Variants in ZFPM2 observed in about 807,000 individuals in gnomAD.
ZFPM2 encodes the protein zinc finger protein, FOG family member 2.
Under a neutral mutation model 98.6 loss-of-function variants are expected in ZFPM2, and 20 were observed. The ratio of observed to expected loss-of-function variants is 0.20; its 90% confidence interval spans 0.14 to 0.29. The LOEUF is 0.29. ZFPM2 is among the 10% of genes least tolerant of loss of function. ZFPM2 has a pLI of 1.00. For missense variants in ZFPM2, 1,310 were observed against 1,388.6 expected (o/e 0.94, Z 0.90); for synonymous variants, 518 against 502.7 (o/e 1.03, Z -0.41).
intron 3 of ZFPM2, among the ~76,000 whole-genome samples, chr8:105,524,466 G>A (rs977531373): frequency 2.0e-5 from 3 of 151,372 alleles, no homozygotes; most frequent in Non-Finnish European, 4.4e-5. Context: ...GTGTGTGTGT[G>A]TGTATGTGTG....
intron 1 of ZFPM2, among the ~76,000 whole-genome samples, chr8:105,346,293 A>G (rs1158671575): frequency 6.6e-6 from 1 of 151,940 alleles, no homozygotes; most frequent in Non-Finnish European, 1.5e-5. Context: ...CTGAGGCAGG[A>G]GAATCGCTTG....
rs539625145 is a variant in ZFPM2 at position 105,643,181 on chromosome 8, C to A, written c.532+8824C>A. 2.0e-5 allele frequency among the ~76,000 whole-genome samples: 3 copies of A among 152,240 alleles called. No homozygotes were observed. The South Asian group carries it at 6.2e-4, about 32-fold the overall frequency. On this transcript the variant is annotated intron_variant, in intron 5 of 7. Coordinates refer to ENST00000407775, the MANE Select transcript of ZFPM2 (RefSeq NM_012082.4). ...CATCCATTAACAAAACCAGGACTTA[C>A]GTGTCATGAAAATAATGGTGTTACA...
intron 5 of ZFPM2, chr8:105,780,594 T>G (rs1171623423): frequency 6.6e-6 from 1 of 152,248 alleles, no homozygotes; most frequent in Non-Finnish European, 1.5e-5. Context: ...CATTCAAAGC[T>G]AGTTTCGCCG....
chr8:105,492,764 A>G (rs1447704694), intron 3 of ZFPM2, among the ~76,000 whole-genome samples: 1 of 152,236 alleles, frequency 6.6e-6, no homozygotes, highest in African/African-American at 2.4e-5. Context: ...AGTAATGATT[A>G]TAATTAGATG....
chr8:105,606,831 T>C (rs183113644), intron 4 of ZFPM2, among the ~76,000 whole-genome samples: 1 of 152,196 alleles, frequency 6.6e-6, no homozygotes, highest in East Asian at 1.9e-4. Flanking sequence ...GCTGATCACA[T>C]ATATAATTAA....
At chr8:105,430,146 A>G (rs1032413317) in intron 2 of ZFPM2, among the ~76,000 whole-genome samples, 3 of 152,190 alleles carry the variant, frequency 2.0e-5, no homozygotes, top group Non-Finnish European at 4.4e-5. Context: ...TGTGGTTACT[A>G]TGAGGTTAAT....
chr8:105,680,574 A>G (rs1467389902), intron 5 of ZFPM2, among the ~76,000 whole-genome samples: 1 of 152,158 alleles, frequency 6.6e-6, no homozygotes, highest in African/African-American at 2.4e-5. Context: ...ACAAGTAGGA[A>G]TTGGGTATGT....
At position 105,330,633 on chromosome 8, in the gene ZFPM2, C is replaced by CATAT. The variant is rs35450744; in HGVS notation, c.40+11665_40+11668dup. On this transcript the variant is annotated intron_variant, in intron 1 of 7. Coordinates refer to ENST00000407775, the MANE Select transcript of ZFPM2 (RefSeq NM_012082.4). Reference sequence around the variant, plus strand: ...ATACACATATATATATATATATATACATATATATATATATATTTTTCAGGA... The same window carrying CATAT: ...ATACACATATATATATATATATATACATATATATATATATATATATTTTTCAGGA... Among the ~76,000 whole-genome samples, 48 of 85,446 alleles carry CATAT rather than the reference C, an allele frequency of 5.6e-4. 1 individual carries two copies. Among genetic ancestry groups the CATAT allele is most frequent in the South Asian group, 2.9e-3 (8 of 2,806 alleles). 56.1% of individuals were successfully genotyped at this position (85,446 alleles called of 152,430 possible).
chr8:105,564,732 T>C (rs971394774), intron 4 of ZFPM2, among the ~76,000 whole-genome samples: 3 of 152,144 alleles, frequency 2.0e-5, no homozygotes, highest in African/African-American at 7.2e-5. Context: ...TTGTTGATGA[T>C]TTCTTAACAT....
rs903513049 is a variant in ZFPM2 at position 105,699,645 on chromosome 8, G to A, written c.532+65288G>A. Among the ~76,000 whole-genome samples, 7 of 152,084 alleles carry A rather than the reference G, an allele frequency of 4.6e-5. No homozygotes were observed. In the East Asian group the frequency reaches 5.8e-4, roughly 13 times the overall value. On this transcript the variant is annotated intron_variant, in intron 5 of 7. Transcript: ENST00000407775. The stretch of plus-strand genomic sequence containing the variant: ...AGTGAATAATGGCAATGATTCCACT[G>A]AAAATTAACTTTGAATTAATGCGCT...
At position 105,583,394 on chromosome 8, in the gene ZFPM2, A is replaced by G. The variant is rs1003271238; in HGVS notation, c.420+21913A>G. On this transcript the variant is annotated intron_variant, in intron 4 of 7. Coordinates refer to ENST00000407775, the MANE Select transcript of ZFPM2 (RefSeq NM_012082.4). The stretch of plus-strand genomic sequence containing the variant: ...ATGGGTGTGAAAAAAGAGAAATCAC[A>G]AATTTTTAAAAATTTCTAAGCTTTC... Among the ~76,000 whole-genome samples, 216 of 152,282 alleles carry G rather than the reference A, an allele frequency of 1.4e-3. 3 individuals carry two copies. The highest frequency in any genetic ancestry group is 1.0e-4 in the Non-Finnish European group (7 of 68,018).
chr8:105,346,956 T>A (rs906982995), intron 1 of ZFPM2, among the ~76,000 whole-genome samples: 14 of 152,184 alleles, frequency 9.2e-5, no homozygotes, highest in African/African-American at 3.4e-4. Context: ...ATGGCTGTCT[T>A]ACAGTCTAAG....
intron 3 of ZFPM2, among the ~76,000 whole-genome samples, chr8:105,497,102 C>A (rs1468815255): frequency 1.3e-5 from 2 of 151,932 alleles, no homozygotes; most frequent in Non-Finnish European, 2.9e-5. Context: ...TCTCCTGCCT[C>A]AGCCTCCCTA....
At chr8:105,652,028 G>C (rs1817188675) in intron 5 of ZFPM2, among the ~76,000 whole-genome samples, 2 of 151,960 alleles carry the variant, frequency 1.3e-5, no homozygotes, top group Non-Finnish European at 2.9e-5. Flanking sequence ...GTGTATACAA[G>C]AATTTGAAAC....
chr8:105,579,951 C>G (rs951253419), intron 4 of ZFPM2, among the ~76,000 whole-genome samples: 5 of 152,286 alleles, frequency 3.3e-5, no homozygotes, highest in Admixed American at 2.6e-4. Context: ...AAGCCATTGG[C>G]TAACCCCTGT....
intron 3 of ZFPM2, among the ~76,000 whole-genome samples, chr8:105,503,125 T>C (rs1813629344): frequency 6.6e-6 from 1 of 152,186 alleles, no homozygotes; most frequent in African/African-American, 2.4e-5. Flanking sequence ...GCTATCAGTT[T>C]TACTAATTAT....
chr8:105,499,190 C>G (rs1284862327), intron 3 of ZFPM2, among the ~76,000 whole-genome samples: 1 of 151,154 alleles, frequency 6.6e-6, no homozygotes, highest in Non-Finnish European at 1.5e-5. Context: ...CCACCTTACT[C>G]TTTTTTCTGC....
rs1393929983 is a variant in ZFPM2, at chr8:105,665,730, A to G, written c.532+31373A>G. On this transcript the variant is annotated intron_variant, in intron 5 of 7. Coordinates refer to ENST00000407775, the MANE Select transcript of ZFPM2 (RefSeq NM_012082.4). The stretch of plus-strand genomic sequence containing the variant: ...ATTCCTGGCTCCCCATTTATTAGCG[A>G]TGAGGCCTAATGTAAATTATCAAAC... Among the ~76,000 whole-genome samples the G allele has an allele frequency of 2.6e-5, 4 of 152,302 alleles. No homozygotes were observed. The East Asian group carries it at 7.7e-4, about 29-fold the overall frequency.
intron 3 of ZFPM2, among the ~76,000 whole-genome samples, chr8:105,495,418 GA>G (rs1353927221): frequency 6.6e-6 from 1 of 152,140 alleles, no homozygotes; most frequent in African/African-American, 2.4e-5. Flanking sequence ...TTGCTCCCTT[GA>G]TACAGGAAAG....
Sources: gnomAD v4.1 joint callset for allele counts (sites outside exome capture counted in the v4.1 genomes callset) on GRCh38, gnomAD v4.1.1 for gene constraint, MANE v1.5 for transcripts, NCBI Gene and HGNC (gene_info 2026-07-23, HGNC 2026-07-21) for gene names.